Variants in CMIP observed in about 807,000 individuals in gnomAD.
CMIP encodes the protein c-Maf inducing protein, also known as C-Maf-inducing protein.
Under a neutral mutation model 97.3 loss-of-function variants are expected in CMIP, and 13 were observed. That is an observed-to-expected ratio of 0.13 (90% confidence interval 0.09 to 0.21). The LOEUF (loss-of-function observed/expected upper bound fraction) is 0.21. Among genes scored for constraint, CMIP ranks in the 10% least tolerant of loss-of-function variants. The pLI is 1.00. For missense variants in CMIP, 847 were observed against 1,024.9 expected (o/e 0.83, Z 2.37); for synonymous variants, 538 against 436.3 (o/e 1.23, Z -2.91).
At chr16:81,685,415 C>T (rs942739595) in intron 10 of CMIP, among the ~76,000 whole-genome samples, 10 of 152,240 alleles carry the variant, frequency 6.6e-5, no homozygotes, top group African/African-American at 2.4e-4. Flanking sequence ...GGGCCTGCTG[C>T]TGGGGCTCAT....
chr16:81,610,331 G>A (rs2091810590), intron 2 of CMIP: 39 of 985,528 alleles, frequency 4.0e-5, no homozygotes, highest in South Asian at 4.7e-5. Flanking sequence ...CCGAGCGGGC[G>A]GGGAGCCTCT....
At chr16:81,613,077 G>A (rs779527011) in intron 2 of CMIP, among the ~76,000 whole-genome samples, 10 of 152,212 alleles carry the variant, frequency 6.6e-5, no homozygotes, top group Non-Finnish European at 1.2e-4. Context: ...GCCTAGCAGC[G>A]TATGTCCTCC....
In CMIP at chr16:81,607,650, C is replaced by T. The variant is rs1239136544; in HGVS notation, c.384C>T (p.Tyr128=). 5.0e-6 allele frequency: 8 copies of T among 1,613,930 alleles called. No homozygotes were observed. Among genetic ancestry groups the T allele is most frequent in the Non-Finnish European group, 6.8e-6 (8 of 1,179,888 alleles). ...TGTCCTGGGAGAATGCCCCGAAGTA[C>T]TGTTTACAGCTCACGATTCCTGGGG... The part of the protein sequence containing the change: ...QLLSWENAPK[Y]CLQLTIPGGT... Residue 128 remains tyrosine (Y), a synonymous_variant, in exon 2 of 21, where the codon TAC becomes TAT. Transcript: ENST00000537098.
At position 81,605,872 on chromosome 16, in the gene CMIP, G is replaced by A. The variant is rs151242524; in HGVS notation, c.301-1695G>A. ...CTAGCATGGCGCCTGCAGCATAACG[G>A]AAGTTCAGTAAATGTCTGTCAGATG... On this transcript the variant is annotated intron_variant, in intron 1 of 20. Coordinates refer to ENST00000537098, the MANE Select transcript of CMIP (RefSeq NM_198390.3). Among the ~76,000 whole-genome samples, 17 of 152,342 alleles carry A rather than the reference G, an allele frequency of 1.1e-4. 1 individual carries two copies. The highest frequency in any genetic ancestry group is 2.9e-5 in the Non-Finnish European group (2 of 68,042).
intron 5 of CMIP, 116 bp downstream of exon 5, chr16:81,657,932 C>T: frequency 2.4e-6 from 2 of 837,956 alleles, no homozygotes; most frequent in East Asian, 2.8e-5. Flanking sequence ...TCTGGCCTTG[C>T]TCCGTTTTGT....
chr16:81,543,405 C>T (rs1162676213), intron 1 of CMIP, among the ~76,000 whole-genome samples: 1 of 152,148 alleles, frequency 6.6e-6, no homozygotes, highest in African/African-American at 2.4e-5. Flanking sequence ...ATTGCCAAGG[C>T]GTTGCGTTGG....
chr16:81,492,580 G>C (rs1319470872), intron 1 of CMIP, among the ~76,000 whole-genome samples: 1 of 94,432 alleles, frequency 1.1e-5, no homozygotes, highest in African/African-American at 3.3e-5. Flanking sequence ...TTGCTAGCAG[G>C]GCCGGGCCTT....
chr16:81,661,256 G>A (rs2092543031), intron 6 of CMIP, among the ~76,000 whole-genome samples: 2 of 152,236 alleles, frequency 1.3e-5, no homozygotes, highest in South Asian at 4.1e-4. Context: ...GTTATTATTA[G>A]CCAAGGTTCC....
chr16:81,504,641 C>CAAA (rs149715666), intron 1 of CMIP, among the ~76,000 whole-genome samples: 3,791 of 71,626 alleles, frequency 0.053, 287 homozygotes, highest in Non-Finnish European at 0.072. Context: ...AGACTCGTCT[C>CAAA]AAAAAAAAAA....
chr16:81,546,731 CA>C (rs1465762613), intron 1 of CMIP, among the ~76,000 whole-genome samples: 1 of 152,156 alleles, frequency 6.6e-6, no homozygotes, highest in East Asian at 1.9e-4. Context: ...TTCTCTTGTT[CA>C]GGGGGTGTGG....
rs1389841028 is a variant in CMIP, at chr16:81,540,680, GTGTGTT to G, written c.301-66883_301-66878del. Among the ~76,000 whole-genome samples the G allele has an allele frequency of 3.9e-5, 5 of 127,500 alleles. No individual in the cohort carries two copies. In the East Asian group the frequency reaches 7.7e-4, roughly 20 times the overall value. The allele number at this position is 127,500 out of a possible 152,430, so 83.6% of individuals were successfully genotyped here. ...TGTGTGTGTGTGTGTGTGTGTGTGT[GTGTGTT>G]TGTTTTTGTTATGAGACAGAGTCTC... is the stretch of plus-strand genomic sequence containing the variant. On this transcript the variant is annotated intron_variant, in intron 1 of 20. Coordinates refer to ENST00000537098, the MANE Select transcript of CMIP (RefSeq NM_198390.3).
At chr16:81,602,788 T>C (rs941225983) in intron 1 of CMIP, among the ~76,000 whole-genome samples, 2 of 152,240 alleles carry the variant, frequency 1.3e-5, no homozygotes, top group African/African-American at 4.8e-5. Flanking sequence ...GAGGAGAATT[T>C]TAATGTTCTT....
At chr16:81,458,905 A>T (rs756650254) in intron 1 of CMIP, among the ~76,000 whole-genome samples, 10 of 152,164 alleles carry the variant, frequency 6.6e-5, no homozygotes, top group Non-Finnish European at 1.3e-4. Flanking sequence ...TAGAGTGTGG[A>T]CACGTGGCAT....
At chr16:81,461,238 C>G (rs1054598378) in intron 1 of CMIP, among the ~76,000 whole-genome samples, 1 of 152,144 alleles carries the variant, frequency 6.6e-6, no homozygotes, top group Non-Finnish European at 1.5e-5. Context: ...GGCAGACAGC[C>G]TTGATTTGAC....
chr16:81,516,222 G>T (rs2089910474), intron 1 of CMIP, among the ~76,000 whole-genome samples: 1 of 152,126 alleles, frequency 6.6e-6, no homozygotes. Flanking sequence ...CCCCAGCTTT[G>T]GGGTGGTTTC....
At chr16:81,691,303 C>G (rs986878358) in intron 10 of CMIP, among the ~76,000 whole-genome samples, 1 of 152,194 alleles carries the variant, frequency 6.6e-6, no homozygotes, top group Non-Finnish European at 1.5e-5. Flanking sequence ...CTCTGCGTGT[C>G]CGTGTTTCCT....
At chr16:81,521,397 C>G (rs2090024477) in intron 1 of CMIP, among the ~76,000 whole-genome samples, 2 of 151,576 alleles carry the variant, frequency 1.3e-5, no homozygotes, top group African/African-American at 4.9e-5. Flanking sequence ...GAATAGCAAA[C>G]ACGAGCTGCC....
At chr16:81,604,579 T>C (rs2150937759) in intron 1 of CMIP, among the ~76,000 whole-genome samples, 1 of 152,022 alleles carries the variant, frequency 6.6e-6, no homozygotes, top group South Asian at 2.1e-4. Context: ...CAGGCGCCTG[T>C]AATCTCAGCT....
Position 81,444,877 on chromosome 16 carries a change from C to G in CMIP, c.-365C>G, listed in dbSNP as rs1397739662. ...CGCGCGGCGGCGCGGGGCCCCGAGA[C>G]ACGCCCGCCCCCACCCCGCCGCCCC... On this transcript the variant is annotated 5_prime_UTR_variant, in exon 1 of 21. Transcript: ENST00000537098. Among the ~76,000 whole-genome samples the G allele has an allele frequency of 7.0e-6, 1 of 141,886 alleles. No individual in the cohort carries two copies. The highest frequency in any genetic ancestry group is 2.5e-5 in the African/African-American group (1 of 39,500). The allele number at this position is 141,886 out of a possible 152,430, so 93.1% of individuals were successfully genotyped here.
Sources: gnomAD v4.1 joint callset for allele counts (sites outside exome capture counted in the v4.1 genomes callset) on GRCh38, gnomAD v4.1.1 for gene constraint, MANE v1.5 for transcripts, NCBI Gene and HGNC (gene_info 2026-07-23, HGNC 2026-07-21) for gene names.